Variants in SENP6 observed in about 807,000 individuals in gnomAD.
The protein encoded by SENP6 is sentrin-specific protease 6.
SENP6 carries 41 observed loss-of-function variants against 134.5 expected under a neutral mutation model. That is an observed-to-expected ratio of 0.30 (90% CI 0.24 to 0.40). The LOEUF is 0.40. SENP6 is among the 10% of genes least tolerant of loss of function. SENP6 has a pLI of 1.00. For missense variants in SENP6, 1,248 were observed against 1,312.5 expected (o/e 0.95, Z 0.76); for synonymous variants, 395 against 429.8 (o/e 0.92, Z 1.00).
intron 18 of SENP6, among the ~76,000 whole-genome samples, chr6:75,698,911 TG>T (rs1774832533): frequency 6.6e-6 from 1 of 150,684 alleles, no homozygotes; most frequent in Admixed American, 6.6e-5. Context: ...CTCAGGAGGC[TG>T]AGGCAGGAGG....
intron 16 of SENP6, among the ~76,000 whole-genome samples, chr6:75,687,123 C>T (rs1407817434): frequency 6.6e-6 from 1 of 152,026 alleles, no homozygotes; most frequent in Non-Finnish European, 1.5e-5. Flanking sequence ...CTAACCTTGT[C>T]TTCTCACTTT....
intron 7 of SENP6, among the ~76,000 whole-genome samples, chr6:75,654,319 A>G (rs955287263): frequency 6.6e-6 from 1 of 152,236 alleles, no homozygotes; most frequent in Admixed American, 6.5e-5. Context: ...AAAGCTTTGC[A>G]CCTAATGAGG....
chr6:75,638,645 T>G (rs1368564183), intron 5 of SENP6, among the ~76,000 whole-genome samples: 1 of 131,716 alleles, frequency 7.6e-6, no homozygotes, highest in South Asian at 2.6e-4. Flanking sequence ...TTTTTTTTTT[T>G]TTTTTAACTG....
At position 75,702,766 on chromosome 6, in the gene SENP6, A is replaced by C; in HGVS notation, c.2410A>C (p.Ile804Leu). 6.2e-7 allele frequency: 1 copy of C among 1,614,094 alleles called. No homozygotes were observed. The change falls in exon 19 of 24, where the codon ATT (isoleucine) becomes CTT (leucine). Residue 804 changes from isoleucine (I) to leucine (L), a missense_variant. By Grantham distance (5) the Ile-to-Leu change is conservative. Transcript: ENST00000447266. ...ATGTTCAACTGTAGAGGACAGTTGT[A>C]TTTCTTCTTCAGCCAGTGAAATGGA... ...QKCSTVEDSC[I>L]SSSASEMESC...
chr6:75,691,701 TCTC>T (rs1209232621), intron 16 of SENP6, among the ~76,000 whole-genome samples: 2 of 151,814 alleles, frequency 1.3e-5, no homozygotes, highest in African/African-American at 4.8e-5. Context: ...CCTGAGGCAT[TCTC>T]CTGCCTCAGC....
In SENP6 at chr6:75,621,348, T is replaced by C. The variant is rs971313094; in HGVS notation, c.53-184T>C. ...ACATGTATGGATGATTATGAATTAG[T>C]AAAAACAGATTTTAATGTCTTCTTT... On this transcript the variant is annotated intron_variant, in intron 1 of 23. Transcript: ENST00000447266. Among the ~76,000 whole-genome samples the C allele has an allele frequency of 3.3e-5, 5 of 152,210 alleles. No individual in the cohort carries two copies. In the South Asian group the frequency reaches 1.0e-3, roughly 32 times the overall value.
Position 75,711,392 on chromosome 6 carries a change from A to T in SENP6, c.2885A>T (p.His962Leu), listed in dbSNP as rs1190925578. 16 of 1,612,254 alleles carry T rather than the reference A, an allele frequency of 9.9e-6. No homozygotes were observed. Among genetic ancestry groups the T allele is most frequent in the Non-Finnish European group, 1.4e-5 (16 of 1,178,726 alleles). The change falls in exon 21 of 24, where the codon CAT becomes CTT. Residue 962 changes from histidine (H) to leucine (L), a missense_variant. Physicochemically the swap from His to Leu is moderately conservative, Grantham distance 99 (BLOSUM62 -3). Transcript: ENST00000447266. The stretch of plus-strand genomic sequence containing the variant: ...TGCAGTTCAGAAATAGGACAGTGGC[A>T]TTTAAAGCCTACTATCTGTAAACAG... ...DNCSSEIGQW[H>L]LKPTICKQPC...
intron 21 of SENP6, 150 bp downstream of exon 21, chr6:75,711,566 G>A: frequency 1.9e-6 from 1 of 518,578 alleles, no homozygotes. Context: ...TGCTATCTAG[G>A]GATTAAAATG....
At chr6:75,655,888 T>C (rs1342296622) in intron 7 of SENP6, among the ~76,000 whole-genome samples, 1 of 152,068 alleles carries the variant, frequency 6.6e-6, no homozygotes, top group Non-Finnish European at 1.5e-5. Context: ...GTCTCCCCTT[T>C]TGTGCATACC....
intron 23 of SENP6, among the ~76,000 whole-genome samples, 166 bp from the exon 24 acceptor site, chr6:75,715,219 T>G (rs1175535646): frequency 1.3e-5 from 2 of 152,184 alleles, no homozygotes; most frequent in South Asian, 2.1e-4. Flanking sequence ...AACTGTGTCT[T>G]GTATCTCCAA....
At position 75,715,440 on chromosome 6, in the gene SENP6, C is replaced by T. The variant is rs764460022; in HGVS notation, c.3185C>T (p.Pro1062Leu). Residue 1062 changes from proline to leucine, a missense_variant, in exon 24 of 24, where the codon CCA (proline) becomes CTA (leucine). Physicochemically the swap from Pro to Leu is moderately conservative, Grantham distance 98 (BLOSUM62 -3). Transcript: ENST00000447266. ...PMNLANWFPP[P>L]RMRTKREEIR... is the part of the protein sequence containing the mutation. ...AATTTGGCAAACTGGTTTCCTCCACCAAGAATGAGAACAAAAAGAGAAGAA... is the reference window on the plus strand; with the variant it reads ...AATTTGGCAAACTGGTTTCCTCCACTAAGAATGAGAACAAAAAGAGAAGAA... 2.8e-5 allele frequency: 45 copies of T among 1,613,160 alleles called. No individual in the cohort carries two copies. In the Admixed American group the frequency reaches 6.8e-4, roughly 25 times the overall value.
At chr6:75,639,937 A>G (rs1463939400) in intron 5 of SENP6, among the ~76,000 whole-genome samples, 1 of 152,188 alleles carries the variant, frequency 6.6e-6, no homozygotes, top group Non-Finnish European at 1.5e-5. Context: ...CTTGAAGACT[A>G]TTTCTGTAAC....
intron 16 of SENP6, among the ~76,000 whole-genome samples, chr6:75,687,520 C>A (rs1428770578): frequency 6.6e-6 from 1 of 152,196 alleles, no homozygotes; most frequent in Non-Finnish European, 1.5e-5. Flanking sequence ...TCTGGTTTCT[C>A]CCCATCTTTG....
At chr6:75,642,502 G>A (rs1239100108) in intron 6 of SENP6, among the ~76,000 whole-genome samples, 1 of 152,112 alleles carries the variant, frequency 6.6e-6, no homozygotes, top group African/African-American at 2.4e-5. Context: ...ACTAATCCAG[G>A]AATGAGTTTG....
In SENP6 at chr6:75,663,242, C is replaced by G. The variant is rs1430124501; in HGVS notation, c.718C>G (p.Gln240Glu). Residue 240 changes from glutamine to glutamate, a missense_variant, in exon 9 of 24, where the codon CAA becomes GAA. By Grantham distance (29) the Gln-to-Glu change is conservative. Around this residue, in one of 3 missense-constraint regions of SENP6, gnomAD observed 733 missense variants for 725.4 expected, o/e 1.01. Transcript: ENST00000447266. ...TAAGGATTTGCAAAGAAATTGCAGA[C>G]AAGCTATTACTTTGAATGAGTCTAC... ...HLEDLQRNCR[Q>E]AITLNESTGP... 1 of 1,610,066 alleles carries G rather than the reference C, an allele frequency of 6.2e-7. No homozygotes were observed.
chr6:75,699,348 TTTTTGC>T (rs1475203367), intron 18 of SENP6, among the ~76,000 whole-genome samples: 1 of 111,366 alleles, frequency 9.0e-6, no homozygotes, highest in Non-Finnish European at 1.8e-5. Context: ...CTTGTTTTTG[TTTTTGC>T]TTTTTTTTTT....
chr6:75,710,873 G>T (rs1014358706), intron 20 of SENP6, among the ~76,000 whole-genome samples: 2 of 152,212 alleles, frequency 1.3e-5, no homozygotes, highest in East Asian at 3.9e-4. Context: ...GGTTTCTCAA[G>T]GAAAACAGTG....
chr6:75,632,618 AT>A (rs758615024), intron 3 of SENP6, among the ~76,000 whole-genome samples: 8 of 152,116 alleles, frequency 5.3e-5, no homozygotes, highest in Non-Finnish European at 1.0e-4. Context: ...TAGTCATTTG[AT>A]CTCTTTTCGA....
At chr6:75,641,183 C>CAGTA (rs984635312) in intron 6 of SENP6, among the ~76,000 whole-genome samples, 1 of 152,102 alleles carries the variant, frequency 6.6e-6, no homozygotes, top group Non-Finnish European at 1.5e-5. Flanking sequence ...AACTTGTTGA[C>CAGTA]AGTACAACAT....
Sources: gnomAD v4.1 joint callset for allele counts (sites outside exome capture counted in the v4.1 genomes callset) on GRCh38, gnomAD v4.1.1 for gene constraint, gnomAD v4.1.1 regional missense constraint, MANE v1.5 for transcripts, NCBI Gene and HGNC (gene_info 2026-07-23, HGNC 2026-07-21) for gene names.